Variants in SNX29 observed in about 807,000 individuals in gnomAD.
SNX29 encodes sorting nexin 29.
A neutral mutation model predicts 102.1 loss-of-function variants in SNX29; 78 were observed. The ratio of observed to expected loss-of-function variants is 0.76; its 90% CI spans 0.64 to 0.92. SNX29 has a LOEUF of 0.92. Ranked by LOEUF, SNX29 falls within the 40% of genes least tolerant of loss-of-function variation. The pLI is 0.00. For missense variants in SNX29, 1,280 were observed against 1,061.7 expected, an observed-to-expected ratio of 1.21 and a Z score of -2.86; for synonymous variants, 580 against 414.5, an observed-to-expected ratio of 1.40 and a Z score of -4.85.
chr16:12,229,023 C>G (rs983617870), intron 14 of SNX29, among the ~76,000 whole-genome samples: 1 of 152,240 alleles, frequency 6.6e-6, no homozygotes, highest in Non-Finnish European at 1.5e-5. Context: ...GGCTTGCTTG[C>G]CCTCATTCCT....
intron 19 of SNX29, among the ~76,000 whole-genome samples, chr16:12,492,113 C>A (rs908816596): frequency 6.6e-6 from 1 of 152,198 alleles, no homozygotes; most frequent in Non-Finnish European, 1.5e-5. Context: ...ACACTGACTT[C>A]CACAATGGTT....
chr16:12,148,764 C>A (rs1318725095), intron 13 of SNX29, among the ~76,000 whole-genome samples: 1 of 152,172 alleles, frequency 6.6e-6, no homozygotes, highest in Non-Finnish European at 1.5e-5. Context: ...ATGGCACGAT[C>A]TTGGCTCACC....
chr16:12,286,621 A>G (rs113339364), intron 15 of SNX29, among the ~76,000 whole-genome samples: 4,843 of 152,238 alleles, frequency 0.032, 246 homozygotes, highest in African/African-American at 0.11. Context: ...CTGGGATTAC[A>G]GGTGTGAGCC....
intron 6 of SNX29, 88 bp from the exon 7 acceptor site, chr16:12,048,284 G>C (rs1447891209): frequency 2.4e-5 from 38 of 1,586,856 alleles, no homozygotes; most frequent in Non-Finnish European, 3.1e-5. Context: ...CTCCTCTTCT[G>C]TACTCTGTTG....
intron 13 of SNX29, among the ~76,000 whole-genome samples, chr16:12,168,666 A>G (rs2076073225): frequency 6.6e-6 from 1 of 152,140 alleles, no homozygotes; most frequent in Non-Finnish European, 1.5e-5. Context: ...CCTTTGCTTC[A>G]TCTCTCATCA....
At chr16:12,329,684 A>G (rs1306847582) in intron 15 of SNX29, among the ~76,000 whole-genome samples, 1 of 152,212 alleles carries the variant, frequency 6.6e-6, no homozygotes, top group Non-Finnish European at 1.5e-5. Context: ...TTTTTCTGCT[A>G]TGCGTTGGCT....
At chr16:12,238,107 C>G (rs753466664) in intron 14 of SNX29, among the ~76,000 whole-genome samples, 11 of 152,020 alleles carry the variant, frequency 7.2e-5, no homozygotes, top group Non-Finnish European at 1.6e-4. Context: ...GGTGGAGGGG[C>G]AGTGGGCAGG....
chr16:12,259,912 C>A (rs1280835516), intron 14 of SNX29, among the ~76,000 whole-genome samples: 1 of 152,042 alleles, frequency 6.6e-6, no homozygotes, highest in African/African-American at 2.4e-5. Flanking sequence ...CCAAAGTGCC[C>A]TGCCACCCCC....
intron 15 of SNX29, among the ~76,000 whole-genome samples, chr16:12,327,915 G>T (rs190070144): frequency 1.1e-4 from 16 of 152,112 alleles, no homozygotes; most frequent in African/African-American, 3.6e-4. Flanking sequence ...CCTGCTCATG[G>T]CACCGTCCTG....
chr16:12,522,556 G>T (rs1029014256), intron 19 of SNX29, among the ~76,000 whole-genome samples: 1 of 152,078 alleles, frequency 6.6e-6, no homozygotes, highest in Non-Finnish European at 1.5e-5. Flanking sequence ...CATGGGGGTG[G>T]ATTTCCTCCT....
intron 13 of SNX29, among the ~76,000 whole-genome samples, chr16:12,187,370 C>A (rs145463311): frequency 8.5e-5 from 13 of 152,086 alleles, no homozygotes; most frequent in Non-Finnish European, 1.8e-4. Context: ...GTCTGGCCAG[C>A]GGGGCAAAAC....
At chr16:12,520,953 C>A (rs1018798880) in intron 19 of SNX29, among the ~76,000 whole-genome samples, 1 of 152,144 alleles carries the variant, frequency 6.6e-6, no homozygotes, top group Non-Finnish European at 1.5e-5. Flanking sequence ...AATCCCAGTA[C>A]TTTGGGACAC....
At chr16:12,173,132 G>A (rs1379093689) in intron 13 of SNX29, among the ~76,000 whole-genome samples, 1 of 152,190 alleles carries the variant, frequency 6.6e-6, no homozygotes, top group Non-Finnish European at 1.5e-5. Flanking sequence ...GGTAAGTTCT[G>A]TGGAACCGAC....
chr16:12,360,081 C>T (rs1464472573), intron 16 of SNX29, among the ~76,000 whole-genome samples: 1 of 152,228 alleles, frequency 6.6e-6, no homozygotes, highest in African/African-American at 2.4e-5. Flanking sequence ...GCCTCGGCCT[C>T]CCAGAGTGCT....
In SNX29 at chr16:12,567,912, C is replaced by CCA. The variant is rs760834478; in HGVS notation, c.2319-588_2319-587dup. On this transcript the variant is annotated intron_variant, in intron 20 of 20. Coordinates refer to ENST00000566228, the MANE Select transcript of SNX29 (RefSeq NM_032167.5). ...ACAACCCAGACCCATGCCCTGGGAC[C>CCA]CACACACGCTGTGTGTTCGCGTTGC... Among the ~76,000 whole-genome samples, 349 of 152,298 alleles carry CCA rather than the reference C, an allele frequency of 2.3e-3. 5 individuals carry two copies. Among genetic ancestry groups the CCA allele is most frequent in the South Asian group, 0.011 (52 of 4,824 alleles).
chr16:12,340,165 C>G (rs1035039701), intron 15 of SNX29, among the ~76,000 whole-genome samples: 18 of 152,188 alleles, frequency 1.2e-4, no homozygotes, highest in Admixed American at 2.6e-4. Flanking sequence ...TTTTCATCAT[C>G]GTCATCTTCT....
At chr16:12,357,119 T>TA (rs1221414339) in intron 16 of SNX29, among the ~76,000 whole-genome samples, 44 of 152,250 alleles carry the variant, frequency 2.9e-4, no homozygotes, top group African/African-American at 1.1e-3. Flanking sequence ...TGCAGACATA[T>TA]AATAGCTTCC....
chr16:12,211,399 C>T (rs976031133), intron 14 of SNX29, among the ~76,000 whole-genome samples: 6 of 152,144 alleles, frequency 3.9e-5, no homozygotes, highest in South Asian at 2.1e-4. Context: ...TGCTGGGCCC[C>T]GGGGTAGCTT....
At chr16:12,386,541 C>T (rs1212652904) in intron 16 of SNX29, among the ~76,000 whole-genome samples, 1 of 152,146 alleles carries the variant, frequency 6.6e-6, no homozygotes, top group Non-Finnish European at 1.5e-5. Flanking sequence ...ACTGGCCAAC[C>T]AGAATACTGT....
Sources: allele counts gnomAD v4.1 joint callset (sites outside exome capture counted in the v4.1 genomes callset), GRCh38; gene constraint gnomAD v4.1.1; transcripts MANE v1.5; gene names NCBI Gene and HGNC (gene_info 2026-07-23, HGNC 2026-07-21).